PTGIR: variants seen among roughly 807,000 people sequenced by gnomAD.
PTGIR encodes the protein prostaglandin I2 receptor.
In PTGIR, 16 loss-of-function variants were observed where a neutral mutation model predicts 17.6. The observed-to-expected ratio is 0.91, with a 90% CI of 0.61 to 1.38. PTGIR has a LOEUF of 1.38. PTGIR is among the 40% of genes most tolerant of loss of function. The probability of loss-of-function intolerance (pLI) is 0.00; values close to 1 mark genes in which losing one functional copy is unlikely to be tolerated. For synonymous variants in PTGIR, 274 were observed against 255.4 expected (o/e 1.07, Z -0.69); for missense variants, 532 against 548.6 (o/e 0.97, Z 0.30).
chr19:46,611,328 C>T, the PTGIR span, among the ~76,000 whole-genome samples: 1 of 152,056 alleles, frequency 6.6e-6, no homozygotes, highest in Non-Finnish European at 1.5e-5. Context: ...GGGGCAGGCC[C>T]TGCAGTGGGT....
rs1440429857 is a variant in PTGIR at position 46,624,221 on chromosome 19, G to T, written c.5C>A (p.Ala2Glu). The T allele has an allele frequency of 3.5e-6, 5 of 1,443,704 alleles. No individual in the cohort carries two copies. In the South Asian group the frequency reaches 7.2e-5, roughly 21 times the overall value. The allele number at this position is 1,443,704 out of a possible 1,614,324, so 89.4% of individuals were successfully genotyped here. A position where few individuals can be genotyped will look rare whatever the true frequency, so the allele number is the denominator to read the frequency against. Residue 2 changes from alanine to glutamate, a missense_variant, in exon 2 of 3, where the codon GCG becomes GAG. Physicochemically the swap from Ala to Glu is moderately radical, Grantham distance 107. Transcript: ENST00000291294. M[A>E]DSCRNLTYVR... Reference sequence around the variant, plus strand: ...GTAGGTGAGGTTCCTGCACGAATCCGCCATCCCAGGTCTGGGCTGGAGGGT... The same window carrying T: ...GTAGGTGAGGTTCCTGCACGAATCCTCCATCCCAGGTCTGGGCTGGAGGGT...
At chr19:46,611,964 A>T in the PTGIR span, among the ~76,000 whole-genome samples, 1 of 152,236 alleles carries the variant, frequency 6.6e-6, no homozygotes, top group Middle Eastern at 3.2e-3. Flanking sequence ...AGCCTGGCCC[A>T]ATCCCAGGGC....
rs1158203833 is a variant in PTGIR at position 46,623,493 on chromosome 19, T to C, written c.733A>G (p.Thr245Ala). The change falls in exon 2 of 3, where the codon ACA becomes GCA. Residue 245 changes from threonine (T) to alanine (A), a missense_variant. Physicochemically the swap from Thr to Ala is moderately conservative, Grantham distance 58 (BLOSUM62 0). Transcript: ENST00000291294. Reference sequence around the variant, plus strand: ...AGGGAGCACACGGCCATGACCACTGTCATGAGGGCCAGCAGGATCAGGTGG... The same window carrying C: ...AGGGAGCACACGGCCATGACCACTGCCATGAGGGCCAGCAGGATCAGGTGG... The part of the protein sequence containing the change: ...VDHLILLALM[T>A]VVMAVCSLPL... 8.2e-6 allele frequency: 13 copies of C among 1,579,776 alleles called. No individual in the cohort carries two copies. Among genetic ancestry groups the C allele is most frequent in the Non-Finnish European group, 1.0e-5 (12 of 1,162,084 alleles).
At chr19:46,622,034 A>G (rs1396963355) in intron 2 of PTGIR, 2 of 985,226 alleles carry the variant, frequency 2.0e-6, no homozygotes, top group African/African-American at 3.5e-5. Context: ...GCCTGTGTGT[A>G]TCTGTCCACG....
Position 46,621,456 on chromosome 19 carries a change from C to T in PTGIR, c.985G>A (p.Gly329Arg), listed in dbSNP as rs748299788. ...SQTPLSQLASGRRDPRAPSAP... is the reference protein window; with the variant it reads ...SQTPLSQLASRRRDPRAPSAP... Reference sequence around the variant, plus strand: ...GAGGGGGCCCTTGGGTCCCTCCTCCCTGAGGCGAGCTGGGAAAGGGGTGTC... The same window carrying T: ...GAGGGGGCCCTTGGGTCCCTCCTCCTTGAGGCGAGCTGGGAAAGGGGTGTC... The change falls in exon 3 of 3, where the codon GGG becomes AGG. Residue 329 changes from glycine to arginine, a missense_variant. Coordinates refer to ENST00000291294, the MANE Select transcript of PTGIR (RefSeq NM_000960.4). The surrounding 1 kb of genome is among the most constrained non-coding windows in gnomAD (Gnocchi z 4.8). The T allele has an allele frequency of 6.8e-6, 11 of 1,614,098 alleles. No individual in the cohort carries two copies. Among genetic ancestry groups the T allele is most frequent in the South Asian group, 1.1e-5 (1 of 91,080 alleles).
At chr19:46,620,163 G>A (rs900596208), downstream of PTGIR, among the ~76,000 whole-genome samples, 4 of 152,172 alleles carry the variant, frequency 2.6e-5, no homozygotes, top group Admixed American at 6.6e-5. Context: ...CCAGTGGCAC[G>A]ATCTCAGCTC....
intron 2 of PTGIR, chr19:46,623,145 C>T (rs2052750099): frequency 4.8e-6 from 1 of 208,004 alleles, no homozygotes; most frequent in South Asian, 1.3e-4. Context: ...CTACGTCCGG[C>T]TACTTTTTAT....
In PTGIR at chr19:46,623,459, G is replaced by T; in HGVS notation, c.767C>A (p.Thr256Lys). Residue 256 changes from threonine (T) to lysine (K), a missense_variant and splice_region_variant, in exon 2 of 3, where the codon ACG (threonine) becomes AAG (lysine). Physicochemically the swap from Thr to Lys is moderately conservative, Grantham distance 78 (BLOSUM62 -1). Transcript: ENST00000291294. Reference sequence around the variant, plus strand: ...CTCCCAGCTCCGGAGGGGACTCACCGTGAGAGGCAGGGAGCACACGGCCAT... The same window carrying T: ...CTCCCAGCTCCGGAGGGGACTCACCTTGAGAGGCAGGGAGCACACGGCCAT... ...VVMAVCSLPL[T>K]IRCFTQAVAP... 6.4e-7 allele frequency: 1 copy of T among 1,551,416 alleles called. No homozygotes were observed. The highest frequency in any genetic ancestry group is 8.7e-7 in the Non-Finnish European group (1 of 1,145,192).
In PTGIR at chr19:46,623,592, G is replaced by T; in HGVS notation, c.634C>A (p.Arg212Ser). 2 of 1,550,338 alleles carry T rather than the reference G, an allele frequency of 1.3e-6. No individual in the cohort carries two copies. The highest frequency in any genetic ancestry group is 1.7e-6 in the Non-Finnish European group (2 of 1,147,596). The change falls in exon 2 of 3, where the codon CGC becomes AGC. Residue 212 changes from arginine (R) to serine (S), a missense_variant. Physicochemically the swap from Arg to Ser is moderately radical, Grantham distance 110. Transcript: ENST00000291294. ...CNGSVTLSLCRMYRQQKRHQG... is the reference protein window; with the variant it reads ...CNGSVTLSLCSMYRQQKRHQG... Reference sequence around the variant, plus strand: ...TGGCGCTTCTGCTGGCGGTACATGCGGCAGAGGCTGAGGGTGACCGAGCCG... The same window carrying T: ...TGGCGCTTCTGCTGGCGGTACATGCTGCAGAGGCTGAGGGTGACCGAGCCG...
chr19:46,619,523 A>G (rs150938899), downstream of PTGIR, among the ~76,000 whole-genome samples: 175 of 51,480 alleles, frequency 3.4e-3, 1 homozygote, highest in South Asian at 7.0e-3. Flanking sequence ...GAAAGAAAGA[A>G]AGAAAGAAAG....
chr19:46,617,741 G>C (rs1379785731), downstream of PTGIR, among the ~76,000 whole-genome samples: 1 of 152,066 alleles, frequency 6.6e-6, no homozygotes, highest in Admixed American at 6.5e-5. Context: ...ACCATCCTCT[G>C]TTGGGGGTAG....
At chr19:46,618,226 G>A (rs1599767477), downstream of PTGIR, among the ~76,000 whole-genome samples, 1 of 152,264 alleles carries the variant, frequency 6.6e-6, no homozygotes, top group East Asian at 1.9e-4. Flanking sequence ...GTGTTAACCA[G>A]GATGGTCTCT....
At chr19:46,610,987 C>T in the PTGIR span, among the ~76,000 whole-genome samples, 1,429 of 152,306 alleles carry the variant, frequency 9.4e-3, 64 homozygotes, top group Admixed American at 0.064. Context: ...TCATCAACGG[C>T]AGGGTCCTGT....
chr19:46,618,109 G>A (rs1361821222), downstream of PTGIR, among the ~76,000 whole-genome samples: 1 of 149,456 alleles, frequency 6.7e-6, no homozygotes, highest in Non-Finnish European at 1.5e-5. Context: ...CTGCCTCCCG[G>A]GTTCACACCA....
downstream of PTGIR, among the ~76,000 whole-genome samples, chr19:46,619,535 AAGAAAGAAAGAAAGAGAGAGAGAG>A (rs1350170270): frequency 1.3e-3 from 88 of 66,516 alleles, no homozygotes; most frequent in African/African-American, 4.7e-3. Context: ...GAAAGAAAGA[AAGAAAGAAAGAAAGAGAGAGAGAG>A]AGAGAGAGAG....
downstream of PTGIR, among the ~76,000 whole-genome samples, chr19:46,617,974 G>A (rs1971986113): frequency 6.6e-6 from 1 of 151,232 alleles, no homozygotes; most frequent in Non-Finnish European, 1.5e-5. Flanking sequence ...GAGTAGCTGG[G>A]ACTACATGTG....
chr19:46,621,272 T>C lies in PTGIR; in HGVS notation c.*8A>G, dbSNP rs754755781. 2 of 1,504,346 alleles carry C rather than the reference T, an allele frequency of 1.3e-6. No individual in the cohort carries two copies. Among genetic ancestry groups the C allele is most frequent in the Admixed American group, 2.3e-5 (1 of 43,874 alleles). 93.2% of individuals were successfully genotyped at this position (1,504,346 alleles called of 1,614,324 possible). On this transcript the variant is annotated 3_prime_UTR_variant, in exon 3 of 3. Coordinates refer to ENST00000291294, the MANE Select transcript of PTGIR (RefSeq NM_000960.4). This position sits in a 1 kb window ranked among gnomAD's most constrained non-coding sequence, Gnocchi z 4.8. ...ACAGGGCAGAGATCACAGGGTCAGC[T>C]TGAAATGTCAGCAGAGGGAGCAGGC...
chr19:46,611,150 C>A, the PTGIR span, among the ~76,000 whole-genome samples: 9 of 152,126 alleles, frequency 5.9e-5, no homozygotes, highest in African/African-American at 1.7e-4. Context: ...GGGCAGTCCC[C>A]TAGCCGGGTA....
chr19:46,624,635 A>C (rs1331194352), intron 1 of PTGIR: 1 of 159,252 alleles, frequency 6.3e-6, no homozygotes, highest in African/African-American at 2.4e-5. Flanking sequence ...TTGTATTTTC[A>C]GTAGAGACGG....
Sources: gnomAD v4.1 joint callset for allele counts (sites outside exome capture counted in the v4.1 genomes callset) on GRCh38, gnomAD v4.1.1 for gene constraint, Gnocchi (gnomAD v3.1) non-coding constraint, MANE v1.5 for transcripts, NCBI Gene and HGNC (gene_info 2026-07-23, HGNC 2026-07-21) for gene names.